ALLC: variants seen among roughly 807,000 people sequenced by gnomAD.
ALLC encodes the protein probable inactive allantoicase.
A neutral mutation model predicts 45.0 loss-of-function variants in ALLC; 40 were observed. The observed-to-expected ratio is 0.89, with a 90% CI of 0.69 to 1.16. The LOEUF (loss-of-function observed/expected upper bound fraction) is 1.16, where lower values mean the gene tolerates loss of function less well. ALLC is among the 50% of genes most tolerant of loss of function. ALLC has a pLI of 0.00. For synonymous variants in ALLC, 176 were observed against 178.1 expected (o/e 0.99, Z 0.09); for missense variants, 488 against 493.1 (o/e 0.99, Z 0.10).
Position 3,675,618 on chromosome 2 carries a change from A to T in ALLC, c.84+1493A>T, listed in dbSNP as rs1040949455. Among the ~76,000 whole-genome samples, 4 of 152,230 alleles carry T rather than the reference A, an allele frequency of 2.6e-5. No individual in the cohort carries two copies. In the East Asian group the frequency reaches 7.7e-4, roughly 29 times the overall value. On this transcript the variant is annotated intron_variant, in intron 3 of 11. Transcript: ENST00000252505. ...TATATATACACACACACACATATAA[A>T]CACTTACACACTACATATGTGTATA... is the stretch of plus-strand genomic sequence containing the variant.
chr2:3,652,386 A>T, the ALLC span, among the ~76,000 whole-genome samples: 1 of 152,212 alleles, frequency 6.6e-6, no homozygotes, highest in African/African-American at 2.4e-5. Context: ...GCCACTATTC[A>T]TAGAGCTACA....
At chr2:3,660,638 T>A (rs1032946320) in intron 1 of ALLC, among the ~76,000 whole-genome samples, 11 of 149,000 alleles carry the variant, frequency 7.4e-5, no homozygotes, top group Non-Finnish European at 1.3e-4. Context: ...GGGGACGGGG[T>A]TCTTATTCCT....
At chr2:3,696,167 A>C (rs143176103) in intron 8 of ALLC, 108 bp from the exon 9 acceptor site, 1 of 875,858 alleles carries the variant, frequency 1.1e-6, no homozygotes, top group Non-Finnish European at 1.8e-6. Context: ...AAAATAACTT[A>C]TGTAGCAATG....
In ALLC at chr2:3,680,601, A is replaced by AT. The variant is rs1193759430; in HGVS notation, c.298+611dup. Reference sequence around the variant, plus strand: ...CAAATCCAGTCTGTTGGTAACGGGTATTTTATTGGGGGAACTTACGGACAG... The same window carrying AT: ...CAAATCCAGTCTGTTGGTAACGGGTATTTTTATTGGGGGAACTTACGGACAG... On this transcript the variant is annotated intron_variant, in intron 5 of 11. Transcript: ENST00000252505. The surrounding 1 kb of genome is among the most constrained non-coding windows in gnomAD (Gnocchi z 4.0). Among the ~76,000 whole-genome samples, 10 of 152,186 alleles carry AT rather than the reference A, an allele frequency of 6.6e-5. No individual in the cohort carries two copies. Among genetic ancestry groups the AT allele is most frequent in the African/African-American group, 2.4e-4 (10 of 41,444 alleles).
At chr2:3,683,973 C>A (rs1229910245) in intron 7 of ALLC, among the ~76,000 whole-genome samples, 1 of 152,186 alleles carries the variant, frequency 6.6e-6, no homozygotes, top group East Asian at 1.9e-4. Flanking sequence ...TCAACCACTA[C>A]CACATTTTGT....
intron 1 of ALLC, among the ~76,000 whole-genome samples, chr2:3,665,376 C>T (rs1353827954): frequency 1.3e-5 from 2 of 151,982 alleles, no homozygotes; most frequent in African/African-American, 4.8e-5. Context: ...CGTAGGTAAA[C>T]GTGTGCCATG....
At chr2:3,688,760 G>A (rs1667398550) in intron 7 of ALLC, 1 of 152,346 alleles carries the variant, frequency 6.6e-6, no homozygotes, top group Admixed American at 6.6e-5. Flanking sequence ...GCTCCTGGAA[G>A]ATAATGATGG....
rs368098982 is a variant in ALLC, at chr2:3,684,295, T to G, written c.511+1221T>G. ...TATAGTCATCCTAGTGGATGTGAGGTGGTGTCTCATTGTGGTTTTGATGTG... is the reference window on the plus strand; with the variant it reads ...TATAGTCATCCTAGTGGATGTGAGGGGGTGTCTCATTGTGGTTTTGATGTG... On this transcript the variant is annotated intron_variant, in intron 7 of 11. Transcript: ENST00000252505. 9.9e-5 allele frequency among the ~76,000 whole-genome samples: 15 copies of G among 152,272 alleles called. No individual in the cohort carries two copies. In the East Asian group the frequency reaches 2.9e-3, roughly 29 times the overall value.
At chr2:3,695,973 A>C in intron 8 of ALLC, 101 bp downstream of exon 8, 53 of 1,226,628 alleles carry the variant, frequency 4.3e-5, no homozygotes, top group Middle Eastern at 2.2e-4. Context: ...GGCACATCTC[A>C]AAGCACAGCA....
rs114039762 is a variant in ALLC at position 3,663,427 on chromosome 2, G to A, written c.-63+5133G>A. On this transcript the variant is annotated intron_variant, in intron 1 of 11. Transcript: ENST00000252505. ...CACACACTGGGGCCTGTCGGAAGTC[G>A]GGAGGAGGGAGAGCATCAGTGATGA... is the stretch of plus-strand genomic sequence containing the variant. Among the ~76,000 whole-genome samples the A allele has an allele frequency of 7.1e-3, 1,084 of 152,256 alleles. 8 individuals carry two copies. Among genetic ancestry groups the A allele is most frequent in the East Asian group, 0.028 (143 of 5,184 alleles).
At chr2:3,674,201 C>T in intron 3 of ALLC, 76 bp downstream of exon 3, 1 of 1,133,446 alleles carries the variant, frequency 8.8e-7, no homozygotes, top group South Asian at 1.4e-5. Flanking sequence ...TAAAATCTCC[C>T]TGTATATTTG....
At chr2:3,661,679 G>A (rs2115902) in intron 1 of ALLC, among the ~76,000 whole-genome samples, 1 of 152,196 alleles carries the variant, frequency 6.6e-6, no homozygotes, top group African/African-American at 2.4e-5. Flanking sequence ...CCTCTCCGAC[G>A]ATGCTTTTCA....
chr2:3,650,789 T>C, the ALLC span, among the ~76,000 whole-genome samples: 1 of 152,142 alleles, frequency 6.6e-6, no homozygotes, highest in Non-Finnish European at 1.5e-5. Context: ...CCAGGCTTCA[T>C]GGAGGGGAGT....
At chr2:3,674,271 C>A (rs144206517) in intron 3 of ALLC, 146 bp downstream of exon 3, 7 of 702,202 alleles carry the variant, frequency 1.0e-5, no homozygotes, top group East Asian at 2.7e-5. Flanking sequence ...GAAAGACATG[C>A]AAATCAGCAT....
intron 10 of ALLC, among the ~76,000 whole-genome samples, chr2:3,700,474 G>T (rs1667795678): frequency 6.6e-6 from 1 of 152,092 alleles, no homozygotes; most frequent in Non-Finnish European, 1.5e-5. Flanking sequence ...GGATGCTTTA[G>T]TTAAAACTAG....
chr2:3,690,951 AGT>A (rs1667500189), intron 7 of ALLC, among the ~76,000 whole-genome samples: 1 of 130,004 alleles, frequency 7.7e-6, no homozygotes, highest in Non-Finnish European at 1.7e-5. Flanking sequence ...TTTGCACATT[AGT>A]GTTTTTTTTT....
chr2:3,682,746 C>T (rs545864745), intron 6 of ALLC, among the ~76,000 whole-genome samples, 196 bp from the exon 7 acceptor site: 2 of 152,126 alleles, frequency 1.3e-5, no homozygotes, highest in Non-Finnish European at 2.9e-5. Flanking sequence ...AGGATGGTCT[C>T]GATCTCCTGA....
chr2:3,698,824 C>CAT (rs896151637), intron 10 of ALLC, among the ~76,000 whole-genome samples: 1 of 151,726 alleles, frequency 6.6e-6, no homozygotes, highest in Admixed American at 6.6e-5. Context: ...GGGTTTGTTA[C>CAT]ATATATATAC....
chr2:3,654,898 C>T (rs1361103230), upstream of ALLC, among the ~76,000 whole-genome samples: 4 of 152,250 alleles, frequency 2.6e-5, no homozygotes, highest in Non-Finnish European at 4.4e-5. Context: ...AAGCGCTTTG[C>T]ATTGGCTGTG....
Sources: gnomAD v4.1 joint callset for allele counts (sites outside exome capture counted in the v4.1 genomes callset) on GRCh38, gnomAD v4.1.1 for gene constraint, Gnocchi (gnomAD v3.1) non-coding constraint, MANE v1.5 for transcripts, NCBI Gene and HGNC (gene_info 2026-07-23, HGNC 2026-07-21) for gene names.